The following R3HDM1 variants were observed in gnomAD, a reference collection of about 807,000 sequenced individuals.
R3HDM1 encodes the protein R3H domain containing 1, also known as R3H domain-containing protein 1.
Under a neutral mutation model 141.1 loss-of-function variants are expected in R3HDM1, and 46 were observed. That is an observed-to-expected ratio of 0.33 (90% confidence interval 0.26 to 0.42). The LOEUF (loss-of-function observed/expected upper bound fraction) is 0.42. Ranked by LOEUF, R3HDM1 falls within the 10% of genes least tolerant of loss-of-function variation. The pLI, the probability that R3HDM1 is intolerant of heterozygous loss-of-function variation, is 1.00. For missense variants in R3HDM1, 1,184 were observed against 1,368.3 expected (o/e 0.87, Z 2.12); for synonymous variants, 435 against 472.9 (o/e 0.92, Z 1.04).
At chr2:135,550,268 CA>C (rs1699583902) in intron 1 of R3HDM1, 1 of 961,196 alleles carries the variant, frequency 1.0e-6, no homozygotes, top group African/African-American at 1.8e-5. Flanking sequence ...TTTAGTCTAG[CA>C]TTTAAGTTTT....
intron 14 of R3HDM1, among the ~76,000 whole-genome samples, chr2:135,640,475 A>C (rs1431247945): frequency 6.6e-6 from 1 of 152,226 alleles, no homozygotes; most frequent in Non-Finnish European, 1.5e-5. Flanking sequence ...ACATTTTAAG[A>C]ATGTGTACTA....
intron 3 of R3HDM1, chr2:135,607,347 C>G (rs1239472273): frequency 1.0e-6 from 1 of 984,244 alleles, no homozygotes; most frequent in Non-Finnish European, 1.2e-6. Context: ...GTCTTTTTTT[C>G]CTATTATGTA....
rs568017697 is a variant in R3HDM1 at position 135,711,434 on chromosome 2, AAGGC to A, written c.2736+1206_2736+1209del. On this transcript the variant is annotated intron_variant, in intron 23 of 26. Coordinates refer to ENST00000683871, the MANE Select transcript of R3HDM1 (RefSeq NM_001378107.1). Reference sequence around the variant, plus strand: ...TGTAATCCCAGCACTTTGGGAAGCTAAGGCAGACCTGGAACGCAGGAGTTCGAGA... The same window carrying A: ...TGTAATCCCAGCACTTTGGGAAGCTAAGACCTGGAACGCAGGAGTTCGAGA... Among the ~76,000 whole-genome samples, 8 of 152,202 alleles carry A rather than the reference AAGGC, an allele frequency of 5.3e-5. No homozygotes were observed. The South Asian group carries it at 1.7e-3, about 32-fold the overall frequency.
intron 17 of R3HDM1, chr2:135,651,043 A>C (rs1021912590): frequency 1.0e-6 from 1 of 985,394 alleles, no homozygotes; most frequent in Non-Finnish European, 1.2e-6. Flanking sequence ...GTCAGATAGC[A>C]CATAAATCAT....
intron 1 of R3HDM1, chr2:135,536,486 T>C (rs903102747): frequency 5.6e-6 from 5 of 887,524 alleles, no homozygotes; most frequent in South Asian, 1.0e-4. Context: ...GTTTAAATCA[T>C]GTTTGCTTTA....
chr2:135,633,738 G>A (rs1308291690), intron 9 of R3HDM1: 2 of 152,204 alleles, frequency 1.3e-5, no homozygotes, highest in East Asian at 3.8e-4. Context: ...TGTTATGGAT[G>A]TCAACAACCC....
At chr2:135,576,524 G>T (rs1384039878) in intron 1 of R3HDM1, among the ~76,000 whole-genome samples, 1 of 152,140 alleles carries the variant, frequency 6.6e-6, no homozygotes. Context: ...TACACATCTT[G>T]TACCATGTAT....
intron 25 of R3HDM1, 83 bp downstream of exon 25, chr2:135,722,089 C>A: frequency 7.7e-7 from 1 of 1,305,416 alleles, no homozygotes; most frequent in East Asian, 2.3e-5. Context: ...CTGAGCCCAC[C>A]TGTTGGCACT....
chr2:135,672,487 T>G (rs546080539), intron 19 of R3HDM1, among the ~76,000 whole-genome samples: 3 of 152,318 alleles, frequency 2.0e-5, no homozygotes, highest in African/African-American at 7.2e-5. Context: ...CCTTTATAAA[T>G]ATCAGTCAGG....
At chr2:135,638,856 C>A in intron 13 of R3HDM1, 40 bp from the exon 14 acceptor site, 1 of 1,611,054 alleles carries the variant, frequency 6.2e-7, no homozygotes, top group Non-Finnish European at 8.5e-7. Flanking sequence ...CTTTTTGTTC[C>A]CCTGCATTAG....
chr2:135,550,445 A>G (rs1699616552), intron 1 of R3HDM1, among the ~76,000 whole-genome samples: 1 of 152,198 alleles, frequency 6.6e-6, no homozygotes, highest in African/African-American at 2.4e-5. Flanking sequence ...AGTTTGTATC[A>G]CTTGTACTTC....
chr2:135,589,284 T>C (rs912089058), intron 1 of R3HDM1, among the ~76,000 whole-genome samples: 23 of 152,214 alleles, frequency 1.5e-4, no homozygotes, highest in African/African-American at 5.3e-4. Flanking sequence ...GATGAAAATC[T>C]TCTCAGAGCT....
intron 21 of R3HDM1, among the ~76,000 whole-genome samples, chr2:135,701,286 C>G (rs112204293): frequency 0.071 from 10,804 of 151,440 alleles, 792 homozygotes; most frequent in African/African-American, 0.19. Context: ...ACCTGTAGTC[C>G]TAGCTACTTG....
At chr2:135,702,922 G>A (rs1490022006) in intron 21 of R3HDM1, among the ~76,000 whole-genome samples, 1 of 152,156 alleles carries the variant, frequency 6.6e-6, no homozygotes, top group Non-Finnish European at 1.5e-5. Context: ...TTATTGTTTA[G>A]CAGGTGTTTT....
chr2:135,675,471 A>G lies in R3HDM1; in HGVS notation c.2292A>G (p.Ser764=). ...AAGGAGTGGTCATCCCCTATACTTC[A>G]GTGCCAACATATCAGGTATATTGTC... ...QIQGVVIPYT[S]VPTYQVSLPQ... The change falls in exon 20 of 27, where the codon TCA becomes TCG. Residue 764 remains serine (S), a synonymous_variant. Transcript: ENST00000683871. 1 of 1,613,486 alleles carries G rather than the reference A, an allele frequency of 6.2e-7. No homozygotes were observed. The highest frequency in any genetic ancestry group is 8.5e-7 in the Non-Finnish European group (1 of 1,179,584).
At chr2:135,577,315 A>G in intron 1 of R3HDM1, 1 of 643,366 alleles carries the variant, frequency 1.6e-6, no homozygotes, top group Non-Finnish European at 1.9e-6. Flanking sequence ...TACCTTAGCC[A>G]AAAGGCCTAT....
chr2:135,608,896 T>C (rs927248024), intron 3 of R3HDM1, among the ~76,000 whole-genome samples: 1 of 152,218 alleles, frequency 6.6e-6, no homozygotes, highest in East Asian at 1.9e-4. Context: ...TGCTTCAGCA[T>C]AGTAATATTT....
At chr2:135,640,100 A>C (rs1396532787) in intron 14 of R3HDM1, among the ~76,000 whole-genome samples, 1 of 147,626 alleles carries the variant, frequency 6.8e-6, no homozygotes, top group Non-Finnish European at 1.5e-5. Context: ...CTCCGTCTCA[A>C]AAAAAAAAAA....
intron 1 of R3HDM1, among the ~76,000 whole-genome samples, chr2:135,558,368 G>A (rs984201203): frequency 1.3e-5 from 2 of 152,174 alleles, no homozygotes; most frequent in African/African-American, 4.8e-5. Flanking sequence ...TCTAAATTTG[G>A]AACAACTTGA....
Sources: gnomAD v4.1 joint callset for allele counts (sites outside exome capture counted in the v4.1 genomes callset) on GRCh38, gnomAD v4.1.1 for gene constraint, MANE v1.5 for transcripts, NCBI Gene and HGNC (gene_info 2026-07-23, HGNC 2026-07-21) for gene names.